Variants in CTIF observed in about 807,000 individuals in gnomAD.
The protein encoded by CTIF is cap binding complex dependent translation initiation factor.
In CTIF, 21 loss-of-function variants were observed where a neutral mutation model predicts 66.0. The observed-to-expected ratio is 0.32, with a 90% CI of 0.23 to 0.46. The LOEUF (loss-of-function observed/expected upper bound fraction) is 0.46. Among genes scored for constraint, CTIF ranks in the 20% least tolerant of loss-of-function variants. The pLI is 1.00. For synonymous variants in CTIF, 345 were observed against 326.4 expected (o/e 1.06, Z -0.62); for missense variants, 739 against 812.7 (o/e 0.91, Z 1.10).
chr18:48,782,370 A>G (rs1911314220), intron 9 of CTIF, among the ~76,000 whole-genome samples: 2 of 151,944 alleles, frequency 1.3e-5, no homozygotes, highest in South Asian at 4.2e-4. Flanking sequence ...TGGGGGCAGC[A>G]CTCTGTTTTC....
chr18:48,628,574 T>C (rs2144538186), intron 2 of CTIF, among the ~76,000 whole-genome samples: 1 of 152,266 alleles, frequency 6.6e-6, no homozygotes, highest in East Asian at 1.9e-4. Context: ...ACAGGCAGCC[T>C]GTCTCCACGT....
chr18:48,619,859 G>C lies in CTIF; in HGVS notation c.180+114G>C, dbSNP rs186240025. The C allele has an allele frequency of 2.8e-5, 29 of 1,047,300 alleles. No individual in the cohort carries two copies. The African/African-American group carries it at 4.4e-4, about 16-fold the overall frequency. The allele number at this position is 1,047,300 out of a possible 1,614,324, so 64.9% of individuals were successfully genotyped here. A position where few individuals can be genotyped will look rare whatever the true frequency, so the allele number is the denominator to read the frequency against. On this transcript the variant is annotated intron_variant, in intron 2 of 11. Transcript: ENST00000256413. ...GACACTAGACCGCCAAGGCATGAAT[G>C]GTCCCACCCAGCAGAGCACCCAGAA... is the stretch of plus-strand genomic sequence containing the variant.
intron 1 of CTIF, among the ~76,000 whole-genome samples, chr18:48,601,235 C>T (rs1179615790): frequency 1.3e-5 from 2 of 152,192 alleles, no homozygotes; most frequent in African/African-American, 2.4e-5. Flanking sequence ...GGGTCCAGCC[C>T]GGCGATTCCA....
At chr18:48,617,428 A>T (rs958755020) in intron 1 of CTIF, among the ~76,000 whole-genome samples, 1 of 152,044 alleles carries the variant, frequency 6.6e-6, no homozygotes, top group Non-Finnish European at 1.5e-5. Context: ...GGGTATCTAG[A>T]CTCCTGGAGA....
intron 7 of CTIF, among the ~76,000 whole-genome samples, chr18:48,721,392 C>T (rs370123699): frequency 1.3e-5 from 2 of 152,224 alleles, no homozygotes; most frequent in African/African-American, 4.8e-5. Context: ...CCTCAGAGGT[C>T]TAGTCTCTAC....
chr18:48,548,086 T>C (rs975367869), intron 1 of CTIF, among the ~76,000 whole-genome samples: 1 of 152,190 alleles, frequency 6.6e-6, no homozygotes, highest in Admixed American at 6.5e-5. Flanking sequence ...GTAACCTCTC[T>C]GAGGGAGACA....
At chr18:48,729,265 C>T (rs996714647) in intron 7 of CTIF, among the ~76,000 whole-genome samples, 3 of 152,106 alleles carry the variant, frequency 2.0e-5, no homozygotes, top group East Asian at 1.9e-4. Flanking sequence ...TACACACCCA[C>T]GTTCCCCCCA....
At chr18:48,825,576 A>G (rs527595769) in intron 10 of CTIF, among the ~76,000 whole-genome samples, 1 of 152,292 alleles carries the variant, frequency 6.6e-6, no homozygotes, top group East Asian at 1.9e-4. Flanking sequence ...AGCCTCTGCT[A>G]TTTCACAGAG....
chr18:48,539,782 T>C (rs528981534), intron 1 of CTIF: 45 of 152,740 alleles, frequency 2.9e-4, no homozygotes, highest in African/African-American at 1.1e-3. Context: ...ATCGAGCAGT[T>C]GGTTTAGTAT....
chr18:48,858,524 G>A (rs544274979), intron 11 of CTIF, among the ~76,000 whole-genome samples: 4 of 152,330 alleles, frequency 2.6e-5, no homozygotes, highest in African/African-American at 7.2e-5. Context: ...AGAGTCAGGG[G>A]AGAGAGGTCA....
At chr18:48,640,686 T>G (rs900402003) in intron 3 of CTIF, among the ~76,000 whole-genome samples, 1 of 152,182 alleles carries the variant, frequency 6.6e-6, no homozygotes, top group Non-Finnish European at 1.5e-5. Flanking sequence ...GGTCCTGCAT[T>G]CTGCCAAGCA....
intron 7 of CTIF, 142 bp from the exon 8 acceptor site, chr18:48,757,777 C>G (rs886461851): frequency 4.4e-6 from 5 of 1,147,618 alleles, no homozygotes; most frequent in Non-Finnish European, 6.2e-6. Flanking sequence ...GACTCTGGCA[C>G]GTAGAAGGTG....
intron 1 of CTIF, among the ~76,000 whole-genome samples, chr18:48,610,232 G>A (rs2144278571): frequency 6.6e-6 from 1 of 152,332 alleles, no homozygotes; most frequent in South Asian, 2.1e-4. Context: ...CGGAGGAGAA[G>A]GTGTCACCAG....
chr18:48,818,928 A>G (rs1293472487), intron 10 of CTIF, among the ~76,000 whole-genome samples: 2 of 152,146 alleles, frequency 1.3e-5, no homozygotes, highest in African/African-American at 4.8e-5. Context: ...GCAGCAGGGA[A>G]GGAGAGCTGT....
At chr18:48,757,098 T>G (rs1908440544) in intron 7 of CTIF, among the ~76,000 whole-genome samples, 1 of 152,192 alleles carries the variant, frequency 6.6e-6, no homozygotes, top group African/African-American at 2.4e-5. Context: ...CATGTGGTCT[T>G]TCTTCTGGGC....
chr18:48,622,571 G>A (rs1025862339), intron 2 of CTIF, among the ~76,000 whole-genome samples: 3 of 152,304 alleles, frequency 2.0e-5, no homozygotes, highest in Non-Finnish European at 2.9e-5. Context: ...ACCGCATGGA[G>A]GGTCTTGTCT....
At chr18:48,831,705 T>TA (rs1439080004) in intron 10 of CTIF, among the ~76,000 whole-genome samples, 1 of 152,246 alleles carries the variant, frequency 6.6e-6, no homozygotes, top group Non-Finnish European at 1.5e-5. Context: ...AGCCACATTT[T>TA]AAAAAACTGA....
chr18:48,569,582 A>C (rs536911430), intron 1 of CTIF, among the ~76,000 whole-genome samples: 4 of 152,352 alleles, frequency 2.6e-5, no homozygotes, highest in East Asian at 1.9e-4. Flanking sequence ...ATACTTAACA[A>C]GTGATTTGAT....
intron 1 of CTIF, among the ~76,000 whole-genome samples, chr18:48,575,124 G>A (rs573097072): frequency 1.3e-5 from 2 of 152,244 alleles, no homozygotes; most frequent in African/African-American, 2.4e-5. Context: ...AAAGGTCCCA[G>A]CTTCCCCTTT....
Sources: gnomAD v4.1 joint callset for allele counts (sites outside exome capture counted in the v4.1 genomes callset) on GRCh38, gnomAD v4.1.1 for gene constraint, MANE v1.5 for transcripts, NCBI Gene and HGNC (gene_info 2026-07-23, HGNC 2026-07-21) for gene names.